The following CECR2 variants were observed in gnomAD, a reference collection of about 807,000 sequenced individuals.
CECR2 encodes chromatin remodeling regulator CECR2.
CECR2 carries 30 observed loss-of-function variants against 154.5 expected under a neutral mutation model. The ratio of observed to expected loss-of-function variants is 0.19; its 90% CI spans 0.15 to 0.26. The LOEUF is 0.26. Among genes scored for constraint, CECR2 ranks in the 10% least tolerant of loss-of-function variants. CECR2 has a pLI of 1.00. For missense variants in CECR2, 1,743 were observed against 1,829.3 expected (o/e 0.95, Z 0.86); for synonymous variants, 725 against 683.7 (o/e 1.06, Z -0.94).
chr22:17,477,714 T>G (rs1327224825), intron 2 of CECR2, 32 bp downstream of exon 2: 1 of 1,506,266 alleles, frequency 6.6e-7, no homozygotes, highest in Non-Finnish European at 9.2e-7. Context: ...AAGCATTTCT[T>G]GCGCCAAGAA....
rs750900730 is a variant in CECR2 at position 17,457,226 on chromosome 22, C to G, written c.127-20362C>G. On this transcript the variant is annotated intron_variant, in intron 1 of 18. Coordinates refer to ENST00000262608, the MANE Select transcript of CECR2 (RefSeq NM_001290047.2). ...ATTTTTACTAGAGACGGGGTTTCTC[C>G]ACGTTGGTCAGGCTGGTCTGGAACT... Among the ~76,000 whole-genome samples, 47 of 152,328 alleles carry G rather than the reference C, an allele frequency of 3.1e-4. 1 individual carries two copies. Among genetic ancestry groups the G allele is most frequent in the Middle Eastern group, 3.4e-3 (1 of 294 alleles).
At chr22:17,420,731 G>T (rs1283650676) in intron 1 of CECR2, among the ~76,000 whole-genome samples, 2 of 152,052 alleles carry the variant, frequency 1.3e-5, no homozygotes, top group Non-Finnish European at 1.5e-5. Context: ...TTGTACCTCA[G>T]CATTTTGATG....
intron 1 of CECR2, among the ~76,000 whole-genome samples, chr22:17,454,998 G>A (rs1380747228): frequency 6.6e-6 from 1 of 152,188 alleles, no homozygotes. Context: ...TGCTGTGTCC[G>A]GTTTCCATTG....
intron 1 of CECR2, among the ~76,000 whole-genome samples, chr22:17,427,250 T>A (rs1310822905): frequency 1.3e-5 from 2 of 152,212 alleles, no homozygotes; most frequent in African/African-American, 4.8e-5. Context: ...ATTTTCTTTA[T>A]GCAGTCTACC....
chr22:17,462,489 T>G (rs2054957330), intron 1 of CECR2, among the ~76,000 whole-genome samples: 2 of 152,284 alleles, frequency 1.3e-5, no homozygotes, highest in African/African-American at 4.8e-5. Context: ...GCGAGGAGTC[T>G]TTGGAGGCTT....
At position 17,538,738 on chromosome 22, in the gene CECR2, G is replaced by C. The variant is rs759585871; in HGVS notation, c.1368+7G>C. ...CTATTATCAGATTATTAAGGTAGAA[G>C]TTGTCTTTGCAGTAATGCCTACTAT... On this transcript the variant is annotated splice_region_variant and intron_variant, in intron 12 of 18. Transcript: ENST00000262608. 6.2e-7 allele frequency: 1 copy of C among 1,611,310 alleles called. No homozygotes were observed. The highest frequency in any genetic ancestry group is 8.5e-7 in the Non-Finnish European group (1 of 1,177,624).
At chr22:17,402,938 G>C (rs1013044025) in intron 1 of CECR2, among the ~76,000 whole-genome samples, 1 of 151,992 alleles carries the variant, frequency 6.6e-6, no homozygotes, top group Non-Finnish European at 1.5e-5. Context: ...TGTATTTTTA[G>C]TAGAGACGGG....
At chr22:17,518,572 C>T in intron 8 of CECR2, 1 of 318,118 alleles carries the variant, frequency 3.1e-6, no homozygotes, top group Non-Finnish European at 6.2e-6. Context: ...CAACTGTCTT[C>T]CTTCCATTGC....
At chr22:17,552,234 A>G (rs2146161078) in intron 18 of CECR2, 92 bp downstream of exon 18, 1 of 1,193,454 alleles carries the variant, frequency 8.4e-7, no homozygotes. Flanking sequence ...AAAATGTTTT[A>G]AGGTATCCTG....
intron 1 of CECR2, among the ~76,000 whole-genome samples, chr22:17,404,260 A>G (rs1357247907): frequency 9.5e-6 from 1 of 105,274 alleles, no homozygotes; most frequent in African/African-American, 3.9e-5. Context: ...CTCTGTCCCC[A>G]TCCCCCCGAC....
intron 1 of CECR2, among the ~76,000 whole-genome samples, chr22:17,383,008 A>C (rs569247694): frequency 6.6e-6 from 1 of 152,230 alleles, no homozygotes; most frequent in African/African-American, 2.4e-5. Context: ...CGGGTGGATC[A>C]TGAGGTCAGG....
intron 16 of CECR2, 145 bp from the exon 17 acceptor site, chr22:17,548,003 C>T (rs1022098024): frequency 1.4e-6 from 1 of 731,606 alleles, no homozygotes; most frequent in Non-Finnish European, 2.2e-6. Context: ...AATGTCCTGC[C>T]CTCTTTCAGG....
intron 8 of CECR2, among the ~76,000 whole-genome samples, chr22:17,523,095 T>C (rs1370727238): frequency 6.6e-6 from 1 of 152,020 alleles, no homozygotes; most frequent in African/African-American, 2.4e-5. Context: ...TTGTTTTGTT[T>C]TGTGTTTTTG....
chr22:17,364,139 C>T (rs1209009454), intron 1 of CECR2, among the ~76,000 whole-genome samples: 3 of 151,628 alleles, frequency 2.0e-5, no homozygotes, highest in South Asian at 2.1e-4. Context: ...GTCAGAAGAT[C>T]TAGACCATCC....
intron 1 of CECR2, among the ~76,000 whole-genome samples, chr22:17,437,889 A>G (rs879493128): frequency 6.6e-6 from 1 of 152,208 alleles, no homozygotes; most frequent in African/African-American, 2.4e-5. Context: ...AATGTTGACC[A>G]TGAATTTGAA....
intron 1 of CECR2, among the ~76,000 whole-genome samples, chr22:17,435,695 A>AC (rs1555909227): frequency 0.021 from 3,104 of 148,380 alleles, 48 homozygotes; most frequent in Non-Finnish European, 0.034. Flanking sequence ...AAAAAAAAAA[A>AC]AAAAAAAAAA....
At chr22:17,486,460 C>T (rs1463998634) in intron 2 of CECR2, among the ~76,000 whole-genome samples, 6 of 152,178 alleles carry the variant, frequency 3.9e-5, no homozygotes, top group Non-Finnish European at 5.9e-5. Context: ...CCACTGGGGG[C>T]GTGTCAGTCA....
chr22:17,551,917 C>T, intron 17 of CECR2, 114 bp from the exon 18 acceptor site: 1 of 975,738 alleles, frequency 1.0e-6, no homozygotes, highest in Non-Finnish European at 1.6e-6. Flanking sequence ...TGGATGATTC[C>T]AGGCCTGATC....
intron 1 of CECR2, chr22:17,424,869 G>A (rs929167): frequency 0.035 from 5,314 of 152,312 alleles, 116 homozygotes; most frequent in Middle Eastern, 0.078. Context: ...TACTTCTAAA[G>A]CCATGTTTTT....
Sources: allele counts gnomAD v4.1 joint callset (sites outside exome capture counted in the v4.1 genomes callset), GRCh38; gene constraint gnomAD v4.1.1; transcripts MANE v1.5; gene names NCBI Gene and HGNC (gene_info 2026-07-23, HGNC 2026-07-21).